The following DLGAP2 variants were observed in gnomAD, a reference collection of about 807,000 sequenced individuals.
DLGAP2 encodes the protein DLG associated protein 2.
DLGAP2 carries 26 observed loss-of-function variants against 100.3 expected under a neutral mutation model. That is an observed-to-expected ratio of 0.26 (90% confidence interval 0.19 to 0.36). The LOEUF (loss-of-function observed/expected upper bound fraction) is 0.36. Among genes scored for constraint, DLGAP2 ranks in the 10% least tolerant of loss-of-function variants. The pLI, the probability that DLGAP2 is intolerant of heterozygous loss-of-function variation, is 1.00. For missense variants in DLGAP2, 1,858 were observed against 1,453.2 expected (o/e 1.28, Z -4.53); for synonymous variants, 886 against 630.1 (o/e 1.41, Z -6.08).
At chr8:800,328 G>T (rs944994812) in intron 1 of DLGAP2, among the ~76,000 whole-genome samples, 2 of 152,240 alleles carry the variant, frequency 1.3e-5, no homozygotes, top group East Asian at 3.9e-4. Context: ...GGCCTAGTGA[G>T]GCAGTTCTGT....
intron 3 of DLGAP2, among the ~76,000 whole-genome samples, chr8:1,472,499 G>C (rs944292670): frequency 2.0e-5 from 3 of 152,156 alleles, no homozygotes; most frequent in Non-Finnish European, 2.9e-5. Flanking sequence ...ACTAAACAAG[G>C]ACAAGGGTAG....
At chr8:1,255,445 CT>C (rs1799177375) in intron 2 of DLGAP2, among the ~76,000 whole-genome samples, 2 of 127,754 alleles carry the variant, frequency 1.6e-5, no homozygotes. Context: ...TGCCCGAGCA[CT>C]GTATGTGTGT....
intron 1 of DLGAP2, among the ~76,000 whole-genome samples, chr8:857,434 A>T (rs985642402): frequency 6.6e-6 from 1 of 152,154 alleles, no homozygotes; most frequent in East Asian, 1.9e-4. Context: ...CAAAACACAC[A>T]CCTGATGGAG....
chr8:1,246,481 A>G (rs899040818), intron 2 of DLGAP2, among the ~76,000 whole-genome samples: 1 of 152,118 alleles, frequency 6.6e-6, no homozygotes, highest in Non-Finnish European at 1.5e-5. Flanking sequence ...CCTCTCACTG[A>G]GGGGAGCAGC....
chr8:1,288,033 A>T (rs1254440923), intron 3 of DLGAP2, among the ~76,000 whole-genome samples: 5 of 99,182 alleles, frequency 5.0e-5, no homozygotes, highest in South Asian at 4.0e-4. Flanking sequence ...GTTTCGGTTG[A>T]GTGTGTGTGT....
At chr8:818,515 A>C (rs1298403421) in intron 1 of DLGAP2, among the ~76,000 whole-genome samples, 1 of 152,152 alleles carries the variant, frequency 6.6e-6, no homozygotes, top group Non-Finnish European at 1.5e-5. Context: ...AGTTCCTTCC[A>C]AGGGTCTGTG....
At position 1,445,707 on chromosome 8, in the gene DLGAP2, C is replaced by T. The variant is rs958712793; in HGVS notation, c.107-55659C>T. Among the ~76,000 whole-genome samples, 20 of 152,286 alleles carry T rather than the reference C, an allele frequency of 1.3e-4. No homozygotes were observed. The East Asian group carries it at 2.1e-3, about 16-fold the overall frequency. On this transcript the variant is annotated intron_variant, in intron 3 of 14. Transcript: ENST00000637795. Reference sequence around the variant, plus strand: ...TTGAACTAATTTACAGTCCCACTAACAGTGTAAAAGTGTTCCTATTTCTCC... The same window carrying T: ...TTGAACTAATTTACAGTCCCACTAATAGTGTAAAAGTGTTCCTATTTCTCC...
chr8:894,065 C>T (rs1463811286), intron 1 of DLGAP2, among the ~76,000 whole-genome samples: 1 of 152,188 alleles, frequency 6.6e-6, no homozygotes, highest in Non-Finnish European at 1.5e-5. Flanking sequence ...TTCTTCCCCT[C>T]GTGCGTGAGA....
intron 3 of DLGAP2, among the ~76,000 whole-genome samples, chr8:1,375,299 ACGGCCT>A (rs1802364400): frequency 1.8e-5 from 1 of 57,010 alleles, no homozygotes; most frequent in Non-Finnish European, 3.0e-5. Context: ...ACACCTCTCC[ACGGCCT>A]CAGAACTGAG....
At chr8:1,558,903 A>G (rs11136413) in intron 5 of DLGAP2, among the ~76,000 whole-genome samples, 62,309 of 151,988 alleles carry the variant, frequency 0.41, 12,887 homozygotes, top group East Asian at 0.49. Flanking sequence ...CACGGCTTAA[A>G]GGAATGCAGA....
intron 2 of DLGAP2, chr8:1,002,272 C>T (rs968215321): frequency 6.6e-6 from 1 of 152,180 alleles, no homozygotes; most frequent in African/African-American, 2.4e-5. Flanking sequence ...CAACGAACAT[C>T]TCCAGGACTT....
chr8:1,097,497 T>G, intron 2 of DLGAP2, among the ~76,000 whole-genome samples: 1 of 134,666 alleles, frequency 7.4e-6, no homozygotes, highest in East Asian at 2.3e-4. Flanking sequence ...CTTCACCCTC[T>G]GTGGCATGGA....
chr8:1,254,011 G>A lies in DLGAP2; in HGVS notation c.74-4840G>A, dbSNP rs111623233. On this transcript the variant is annotated intron_variant, in intron 2 of 14. Transcript: ENST00000637795. ...TTGGTTCGCGTTGGACGAGAGGTGC[G>A]GAACCACAGTCTCTGATCCATGTCT... 7.2e-5 allele frequency among the ~76,000 whole-genome samples: 11 copies of A among 152,334 alleles called. 1 individual carries two copies. Among genetic ancestry groups the A allele is most frequent in the African/African-American group, 2.4e-4 (10 of 41,566 alleles).
intron 3 of DLGAP2, among the ~76,000 whole-genome samples, chr8:1,366,815 G>C (rs565325888): frequency 2.0e-5 from 3 of 152,190 alleles, no homozygotes. Context: ...AATGTAATAA[G>C]GGGGTCTGTG....
At chr8:1,525,301 T>G (rs920192689) in intron 4 of DLGAP2, among the ~76,000 whole-genome samples, 41 of 151,262 alleles carry the variant, frequency 2.7e-4, no homozygotes, top group African/African-American at 1.0e-3. Flanking sequence ...GACAAGTTAC[T>G]ACCACTATGT....
At chr8:816,879 A>G (rs966407589) in intron 1 of DLGAP2, among the ~76,000 whole-genome samples, 2 of 152,242 alleles carry the variant, frequency 1.3e-5, no homozygotes, top group South Asian at 2.1e-4. Flanking sequence ...CATTTAACAC[A>G]GTCCCAAACT....
At chr8:1,434,749 A>G (rs1348668881) in intron 3 of DLGAP2, among the ~76,000 whole-genome samples, 2 of 152,234 alleles carry the variant, frequency 1.3e-5, no homozygotes, top group Admixed American at 1.3e-4. Flanking sequence ...TGCTGGGATT[A>G]CAGGCTTGAG....
At chr8:1,598,546 G>C (rs1796528994) in intron 6 of DLGAP2, among the ~76,000 whole-genome samples, 1 of 152,124 alleles carries the variant, frequency 6.6e-6, no homozygotes, top group Non-Finnish European at 1.5e-5. Context: ...TTCAGAACTT[G>C]TTATTGGTGT....
chr8:1,198,126 G>C (rs1001506569), intron 2 of DLGAP2, among the ~76,000 whole-genome samples: 3 of 152,036 alleles, frequency 2.0e-5, no homozygotes, highest in Non-Finnish European at 2.9e-5. Context: ...GCGTGTGTGC[G>C]TGTGGGTGTG....
Sources: allele counts gnomAD v4.1 joint callset (sites outside exome capture counted in the v4.1 genomes callset), GRCh38; gene constraint gnomAD v4.1.1; transcripts MANE v1.5; gene names NCBI Gene and HGNC (gene_info 2026-07-23, HGNC 2026-07-21).